The following TUSC1 variants were observed in gnomAD, a reference collection of about 807,000 sequenced individuals.
TUSC1 encodes the protein tumor suppressor candidate gene 1 protein.
A neutral mutation model predicts 5.2 loss-of-function variants in TUSC1; 8 were observed. The observed-to-expected ratio is 1.54, with a 90% CI of 0.90 to 2.77. The LOEUF (loss-of-function observed/expected upper bound fraction) is 2.77. Ranked by LOEUF, TUSC1 falls within the 30% of genes most tolerant of loss-of-function variation. The pLI, the probability that TUSC1 is intolerant of heterozygous loss-of-function variation, is 0.00. For missense variants in TUSC1, 442 were observed against 324.2 expected (o/e 1.36, Z -2.79); for synonymous variants, 192 against 144.2 (o/e 1.33, Z -2.37).
Position 25,678,084 on chromosome 9 carries a change from C to T in TUSC1, c.229G>A (p.Asp77Asn). 1 of 1,588,902 alleles carries T rather than the reference C, an allele frequency of 6.3e-7. No homozygotes were observed. Among genetic ancestry groups the T allele is most frequent in the Non-Finnish European group, 8.5e-7 (1 of 1,174,054 alleles). The change falls in exon 1 of 1, where the codon GAC becomes AAC. Residue 77 changes from aspartate (D) to asparagine (N), a missense_variant. Physicochemically the swap from Asp to Asn is conservative, Grantham distance 23 (BLOSUM62 1). Transcript: ENST00000358022. ...CGCGCGTTCTGCCGGTCCCACTCGTCCCGCGCACGGATGGCCTCCAAGTGG... is the reference window on the plus strand; with the variant it reads ...CGCGCGTTCTGCCGGTCCCACTCGTTCCGCGCACGGATGGCCTCCAAGTGG... ...ASHLEAIRAR[D>N]EWDRQNARLR...
In TUSC1 at chr9:25,677,687, A is replaced by C. The variant is rs1819069092; in HGVS notation, c.626T>G (p.Leu209Arg). The C allele has an allele frequency of 1.3e-6, 2 of 1,526,638 alleles. No individual in the cohort carries two copies. Among genetic ancestry groups the C allele is most frequent in the African/African-American group, 1.4e-5 (1 of 72,302 alleles). The allele number at this position is 1,526,638 out of a possible 1,614,324, so 94.6% of individuals were successfully genotyped here. The change falls in exon 1 of 1, where the codon CTG becomes CGG. Residue 209 changes from leucine (L) to arginine (R), a missense_variant. Coordinates refer to ENST00000358022, the MANE Select transcript of TUSC1 (RefSeq NM_001004125.3). ...SRDSEPSGPW[L>R] ...TCTCACCGGCTGCGGCCTCGGCTACAGCCAGGGCCCAGAGGGCTCCGAGTC... is the reference window on the plus strand; with the variant it reads ...TCTCACCGGCTGCGGCCTCGGCTACCGCCAGGGCCCAGAGGGCTCCGAGTC...
Position 25,677,669 on chromosome 9 carries a change from G to C in TUSC1, c.*14C>G, listed in dbSNP as rs1334173781. ...CCCGCTCGAGGCTCCGCCTCTCACC[G>C]GCTGCGGCCTCGGCTACAGCCAGGG... On this transcript the variant is annotated 3_prime_UTR_variant, in exon 1 of 1. Coordinates refer to ENST00000358022, the MANE Select transcript of TUSC1 (RefSeq NM_001004125.3). 3.0e-5 allele frequency: 45 copies of C among 1,495,176 alleles called. No individual in the cohort carries two copies. Among genetic ancestry groups the C allele is most frequent in the Non-Finnish European group, 4.0e-5 (45 of 1,122,804 alleles). 92.6% of individuals were successfully genotyped at this position (1,495,176 alleles called of 1,614,324 possible).
At position 25,677,617 on chromosome 9, in the gene TUSC1, G is replaced by A; in HGVS notation, c.*66C>T. ...CGGGCCAGGGCGTGCGCGAGGTCGG[G>A]GGTAGCTGGGAACGGAGGAGGAGGG... On this transcript the variant is annotated 3_prime_UTR_variant, in exon 1 of 1. Transcript: ENST00000358022. The A allele has an allele frequency of 1.4e-6, 2 of 1,443,338 alleles. No homozygotes were observed. The highest frequency in any genetic ancestry group is 1.8e-6 in the Non-Finnish European group (2 of 1,103,912). 89.4% of individuals were successfully genotyped at this position (1,443,338 alleles called of 1,614,324 possible). A position where few individuals can be genotyped will look rare whatever the true frequency, so the allele number is the denominator to read the frequency against.
In TUSC1 at chr9:25,678,202, G is replaced by C. The variant is rs1396116166; in HGVS notation, c.111C>G (p.Ser37Arg). ...GRSGRARGGG[S>R]PSGGGGGVGW... is the part of the protein sequence containing the mutation. The stretch of plus-strand genomic sequence containing the variant: ...CCACGCCGCCGCCGCCGCCGCTGGG[G>C]CTGCCCCCACCACGAGCCCGGCCGG... The change falls in exon 1 of 1, where the codon AGC (serine) becomes AGG (arginine). Residue 37 changes from serine to arginine, a missense_variant. Transcript: ENST00000358022. 3 of 1,379,978 alleles carry C rather than the reference G, an allele frequency of 2.2e-6. No homozygotes were observed. Among genetic ancestry groups the C allele is most frequent in the Non-Finnish European group, 1.9e-6 (2 of 1,070,418 alleles). 85.5% of individuals were successfully genotyped at this position (1,379,978 alleles called of 1,614,324 possible). A position where few individuals can be genotyped will look rare whatever the true frequency, so the allele number is the denominator to read the frequency against.
Position 25,678,386 on chromosome 9 carries a change from C to A in TUSC1, c.-74G>T. On this transcript the variant is annotated 5_prime_UTR_variant, in exon 1 of 1. Transcript: ENST00000358022. ...CGGCCAGGCGCGGGCAAGTTCGGGG[C>A]TGGCAGGGCGGCCGGGGTGACGACG... 7.7e-7 allele frequency: 1 copy of A among 1,301,268 alleles called. No individual in the cohort carries two copies. The highest frequency in any genetic ancestry group is 9.9e-7 in the Non-Finnish European group (1 of 1,014,030). The allele number at this position is 1,301,268 out of a possible 1,614,324, so 80.6% of individuals were successfully genotyped here. A position where few individuals can be genotyped will look rare whatever the true frequency, so the allele number is the denominator to read the frequency against.
In TUSC1 at chr9:25,677,616, G is replaced by C. The variant is rs927790391; in HGVS notation, c.*67C>G. On this transcript the variant is annotated 3_prime_UTR_variant, in exon 1 of 1. Transcript: ENST00000358022. ...GCGGGCCAGGGCGTGCGCGAGGTCG[G>C]GGGTAGCTGGGAACGGAGGAGGAGG... The C allele has an allele frequency of 2.8e-5, 40 of 1,442,762 alleles. No homozygotes were observed. The highest frequency in any genetic ancestry group is 3.1e-5 in the Non-Finnish European group (34 of 1,103,714). 89.4% of individuals were successfully genotyped at this position (1,442,762 alleles called of 1,614,324 possible). A position where few individuals can be genotyped will look rare whatever the true frequency, so the allele number is the denominator to read the frequency against.
At position 25,677,751 on chromosome 9, in the gene TUSC1, G is replaced by T. The variant is rs765188618; in HGVS notation, c.562C>A (p.Gln188Lys). The change falls in exon 1 of 1, where the codon CAG becomes AAG. Residue 188 changes from glutamine (Q) to lysine (K), a missense_variant. Transcript: ENST00000358022. ...CCGGAGTCGGGTTCCTGTAGAGGCT[G>T]CTCCTCCTTGTCCCCGCTCGGACGT... is the stretch of plus-strand genomic sequence containing the variant. ...GPRPSGDKEE[Q>K]PLQEPDSGLR... is the part of the protein sequence containing the mutation. 5 of 1,578,896 alleles carry T rather than the reference G, an allele frequency of 3.2e-6. No individual in the cohort carries two copies. In the East Asian group the frequency reaches 1.2e-4, roughly 37 times the overall value.
chr9:25,677,865 T>C lies in TUSC1; in HGVS notation c.448A>G (p.Ser150Gly). The change falls in exon 1 of 1, where the codon AGC becomes GGC. Residue 150 changes from serine (S) to glycine (G), a missense_variant. Transcript: ENST00000358022. ...AGTCGGGCCCTCAGGGCCCTGGGGC[T>C]GCCCGGCTCGTCCTCTCGGCCGCTG... ...RDSGREDEPGSPRALRARLEK... is the reference protein window; with the variant it reads ...RDSGREDEPGGPRALRARLEK... 1 of 1,595,022 alleles carries C rather than the reference T, an allele frequency of 6.3e-7. No homozygotes were observed. The highest frequency in any genetic ancestry group is 8.5e-7 in the Non-Finnish European group (1 of 1,173,876).
rs1465299728 is a variant in TUSC1 at position 25,677,201 on chromosome 9, G to GC, written c.*481dup. 6.4e-6 allele frequency: 1 copy of GC among 156,482 alleles called. No homozygotes were observed. Among genetic ancestry groups the GC allele is most frequent in the African/African-American group, 2.4e-5 (1 of 41,578 alleles). 9.7% of individuals were successfully genotyped at this position (156,482 alleles called of 1,614,324 possible). A position where few individuals can be genotyped will look rare whatever the true frequency, so the allele number is the denominator to read the frequency against. On this transcript the variant is annotated 3_prime_UTR_variant, in exon 1 of 1. Coordinates refer to ENST00000358022, the MANE Select transcript of TUSC1 (RefSeq NM_001004125.3). ...AGCAAACACTGTACTTAAAATGTTGGCCACATATGAAAGAATAGCTGAAGG... is the reference window on the plus strand; with the variant it reads ...AGCAAACACTGTACTTAAAATGTTGGCCCACATATGAAAGAATAGCTGAAGG...
At position 25,677,718 on chromosome 9, in the gene TUSC1, A is replaced by G; in HGVS notation, c.595T>C (p.Ser199Pro). The change falls in exon 1 of 1, where the codon TCC becomes CCC. Residue 199 changes from serine to proline, a missense_variant. By Grantham distance (74) the Ser-to-Pro change is moderately conservative (BLOSUM62 -1). Coordinates refer to ENST00000358022, the MANE Select transcript of TUSC1 (RefSeq NM_001004125.3). ...PLQEPDSGLR[S>P]RDSEPSGPWL The stretch of plus-strand genomic sequence containing the variant: ...GGCCCAGAGGGCTCCGAGTCCCGGG[A>G]GCGGAGGCCGGAGTCGGGTTCCTGT... 6.4e-7 allele frequency: 1 copy of G among 1,561,504 alleles called. No individual in the cohort carries two copies. The highest frequency in any genetic ancestry group is 1.2e-5 in the South Asian group (1 of 85,208).
Position 25,678,230 on chromosome 9 carries a change from C to G in TUSC1, c.83G>C (p.Arg28Pro), listed in dbSNP as rs1282566478. Residue 28 changes from arginine to proline, a missense_variant, in exon 1 of 1, where the codon CGC (arginine) becomes CCC (proline). By Grantham distance (103) the Arg-to-Pro change is moderately radical (BLOSUM62 -2). Transcript: ENST00000358022. ...GCCCCCACCACGAGCCCGGCCGGAG[C>G]GGCCTGGCCCTCGGCCGTCCGCAGC... ...DGAADGRGPG[R>P]SGRARGGGSP... The G allele has an allele frequency of 6.6e-6, 9 of 1,360,808 alleles. No individual in the cohort carries two copies. The highest frequency in any genetic ancestry group is 3.3e-5 in the East Asian group (1 of 30,584). The allele number at this position is 1,360,808 out of a possible 1,614,324, so 84.3% of individuals were successfully genotyped here. A position where few individuals can be genotyped will look rare whatever the true frequency, so the allele number is the denominator to read the frequency against.
chr9:25,678,266 C>T lies in TUSC1; in HGVS notation c.47G>A (p.Gly16Asp). 6.8e-7 allele frequency: 1 copy of T among 1,460,718 alleles called. No homozygotes were observed. Among genetic ancestry groups the T allele is most frequent in the Non-Finnish European group, 9.0e-7 (1 of 1,108,950 alleles). 90.5% of individuals were successfully genotyped at this position (1,460,718 alleles called of 1,614,324 possible). A position where few individuals can be genotyped will look rare whatever the true frequency, so the allele number is the denominator to read the frequency against. Residue 16 changes from glycine (G) to aspartate (D), a missense_variant, in exon 1 of 1, where the codon GGC becomes GAC. Gly to Asp is a moderately conservative substitution (Grantham distance 94). Transcript: ENST00000358022. ...TCGGCCGTCCGCAGCACCGTCCCCG[C>T]CGCAGCAACTCCCGCGCCTAGTGGC... ...GGATRRGSCC[G>D]GDGAADGRGP...
chr9:25,678,092 C>A lies in TUSC1; in HGVS notation c.221G>T (p.Arg74Leu), dbSNP rs1404601896. Reference protein sequence around the residue: ...DLAASHLEAIRARDEWDRQNA... With the variant: ...DLAASHLEAILARDEWDRQNA... ...CTGCCGGTCCCACTCGTCCCGCGCA[C>A]GGATGGCCTCCAAGTGGCTCGCCGC... Residue 74 changes from arginine to leucine, a missense_variant, in exon 1 of 1, where the codon CGT becomes CTT. Arg to Leu is a moderately radical substitution (Grantham distance 102). Transcript: ENST00000358022. 1 of 1,587,338 alleles carries A rather than the reference C, an allele frequency of 6.3e-7. No homozygotes were observed. The highest frequency in any genetic ancestry group is 1.3e-5 in the African/African-American group (1 of 74,398).
Position 25,678,179 on chromosome 9 carries a change from A to ACGCCGCCGCCGC in TUSC1, c.122_133dup (p.Gly41_Gly44dup), listed in dbSNP as rs555576178. 1 of 1,379,626 alleles carries ACGCCGCCGCCGC rather than the reference A, an allele frequency of 7.2e-7. No individual in the cohort carries two copies. The highest frequency in any genetic ancestry group is 3.6e-5 in the Admixed American group (1 of 28,000). The allele number at this position is 1,379,626 out of a possible 1,614,324, so 85.5% of individuals were successfully genotyped here. A position where few individuals can be genotyped will look rare whatever the true frequency, so the allele number is the denominator to read the frequency against. ...GCCGTCCGCGCGGCCTCGCCAGCCC[A>ACGCCGCCGCCGC]CGCCGCCGCCGCCGCCGCTGGGGCT... On this transcript the variant is annotated inframe_insertion, in exon 1 of 1. Coordinates refer to ENST00000358022, the MANE Select transcript of TUSC1 (RefSeq NM_001004125.3).
chr9:25,677,909 G>C lies in TUSC1; in HGVS notation c.404C>G (p.Thr135Arg). ...EARRVPEEASTNRRARDSGRE... is the reference protein window; with the variant it reads ...EARRVPEEASRNRRARDSGRE... ...GCCGCTGTCTCTAGCCCTCCGGTTC[G>C]TGCTGGCCTCTTCAGGGACCCGGCG... The change falls in exon 1 of 1, where the codon ACG (threonine) becomes AGG (arginine). Residue 135 changes from threonine to arginine, a missense_variant. Thr to Arg is a moderately conservative substitution (Grantham distance 71). Coordinates refer to ENST00000358022, the MANE Select transcript of TUSC1 (RefSeq NM_001004125.3). 2.5e-6 allele frequency: 4 copies of C among 1,579,172 alleles called. No homozygotes were observed. Among genetic ancestry groups the C allele is most frequent in the Non-Finnish European group, 3.4e-6 (4 of 1,166,478 alleles).
Position 25,678,117 on chromosome 9 carries a change from C to T in TUSC1, c.196G>A (p.Ala66Thr). Residue 66 changes from alanine (A) to threonine (T), a missense_variant, in exon 1 of 1, where the codon GCG (alanine) becomes ACG (threonine). By Grantham distance (58) the Ala-to-Thr change is moderately conservative (BLOSUM62 0). Coordinates refer to ENST00000358022, the MANE Select transcript of TUSC1 (RefSeq NM_001004125.3). ...CGGATGGCCTCCAAGTGGCTCGCCG[C>T]CAGGTCGGCAAACCGCTCCTCCAGC... ...QQLEERFADL[A>T]ASHLEAIRAR... 6.4e-7 allele frequency: 1 copy of T among 1,560,814 alleles called. No homozygotes were observed. Among genetic ancestry groups the T allele is most frequent in the Non-Finnish European group, 8.6e-7 (1 of 1,162,114 alleles).
chr9:25,677,780 C>G lies in TUSC1; in HGVS notation c.533G>C (p.Gly178Ala). The change falls in exon 1 of 1, where the codon GGA (glycine) becomes GCA (alanine). Residue 178 changes from glycine to alanine, a missense_variant. Gly to Ala is a moderately conservative substitution (Grantham distance 60, BLOSUM62 0). Coordinates refer to ENST00000358022, the MANE Select transcript of TUSC1 (RefSeq NM_001004125.3). Reference protein sequence around the residue: ...ALLQLHLEQRGPRPSGDKEEQ... With the variant: ...ALLQLHLEQRAPRPSGDKEEQ... ...CTCCTTGTCCCCGCTCGGACGTGGT[C>G]CCCGCTGCTCGAGGTGCAGCTGCAG... 3 of 1,585,260 alleles carry G rather than the reference C, an allele frequency of 1.9e-6. No individual in the cohort carries two copies. Among genetic ancestry groups the G allele is most frequent in the Non-Finnish European group, 1.7e-6 (2 of 1,166,606 alleles).
chr9:25,677,038 C>T lies in TUSC1; in HGVS notation c.*645G>A, dbSNP rs1002186121. 7 of 152,130 alleles carry T rather than the reference C, an allele frequency of 4.6e-5. No homozygotes were observed. The highest frequency in any genetic ancestry group is 3.9e-4 in the Admixed American group (6 of 15,274). 9.4% of individuals were successfully genotyped at this position (152,130 alleles called of 1,614,324 possible). A position where few individuals can be genotyped will look rare whatever the true frequency, so the allele number is the denominator to read the frequency against. ...GATATAGGCAGATACCTTAAAAATT[C>T]TCTGGGGGCAAACAAATCAGTATAT... is the stretch of plus-strand genomic sequence containing the variant. On this transcript the variant is annotated 3_prime_UTR_variant, in exon 1 of 1. Transcript: ENST00000358022.
In TUSC1 at chr9:25,678,395, C is replaced by T. The variant is rs1394106408; in HGVS notation, c.-83G>A. 3.3e-6 allele frequency: 4 copies of T among 1,230,174 alleles called. No homozygotes were observed. The highest frequency in any genetic ancestry group is 4.5e-5 in the Admixed American group (1 of 21,992). 76.2% of individuals were successfully genotyped at this position (1,230,174 alleles called of 1,614,324 possible). ...GCGGGCAAGTTCGGGGCTGGCAGGGCGGCCGGGGTGACGACGGAGGAGGAG... is the reference window on the plus strand; with the variant it reads ...GCGGGCAAGTTCGGGGCTGGCAGGGTGGCCGGGGTGACGACGGAGGAGGAG... On this transcript the variant is annotated 5_prime_UTR_variant, in exon 1 of 1. Transcript: ENST00000358022.
Sources: allele counts gnomAD v4.1 joint callset, GRCh38; gene constraint gnomAD v4.1.1; transcripts MANE v1.5; gene names NCBI Gene and HGNC (gene_info 2026-07-23, HGNC 2026-07-21).